Variants in CARMIL1 observed in about 807,000 individuals in gnomAD.
The protein encoded by CARMIL1 is F-actin-uncapping protein LRRC16A.
CARMIL1 carries 90 observed loss-of-function variants against 177.1 expected under a neutral mutation model. The ratio of observed to expected loss-of-function variants is 0.51; its 90% CI spans 0.43 to 0.61. The LOEUF (loss-of-function observed/expected upper bound fraction) is 0.61. Ranked by LOEUF, CARMIL1 falls within the 20% of genes least tolerant of loss-of-function variation. CARMIL1 has a pLI of 0.00. For synonymous variants in CARMIL1, 577 were observed against 606.2 expected (o/e 0.95, Z 0.71); for missense variants, 1,380 against 1,667.0 (o/e 0.83, Z 3.00).
At chr6:25,402,929 G>A (rs1053146183) in intron 2 of CARMIL1, among the ~76,000 whole-genome samples, 3 of 152,210 alleles carry the variant, frequency 2.0e-5, no homozygotes, top group African/African-American at 7.2e-5. Context: ...AATTATTAGA[G>A]CATGAAGGTG....
chr6:25,307,517 G>A (rs6456663), intron 2 of CARMIL1, among the ~76,000 whole-genome samples: 7,228 of 152,246 alleles, frequency 0.047, 545 homozygotes, highest in African/African-American at 0.16. Context: ...TTAAAAAAGA[G>A]ATCCATTTAC....
At chr6:25,390,309 T>TAC (rs1792632044) in intron 2 of CARMIL1, among the ~76,000 whole-genome samples, 1 of 64,144 alleles carries the variant, frequency 1.6e-5, no homozygotes, top group Non-Finnish European at 3.7e-5. Context: ...TATATATATA[T>TAC]ATATATATAT....
intron 23 of CARMIL1, among the ~76,000 whole-genome samples, chr6:25,525,017 G>A (rs1315759433): frequency 1.3e-5 from 2 of 152,024 alleles, no homozygotes; most frequent in Non-Finnish European, 2.9e-5. Flanking sequence ...GCTACTAATG[G>A]GAATACCAGA....
chr6:25,408,918 C>CT (rs888826665), intron 2 of CARMIL1, among the ~76,000 whole-genome samples: 1 of 152,052 alleles, frequency 6.6e-6, no homozygotes, highest in African/African-American at 2.4e-5. Flanking sequence ...TACTTGTAGG[C>CT]TTTTTACATG....
chr6:25,332,918 A>G (rs920293430), intron 2 of CARMIL1, among the ~76,000 whole-genome samples: 1 of 152,142 alleles, frequency 6.6e-6, no homozygotes, highest in Non-Finnish European at 1.5e-5. Flanking sequence ...TCCTGGCCAC[A>G]GTGATTAGTC....
intron 32 of CARMIL1, among the ~76,000 whole-genome samples, chr6:25,597,637 C>G (rs1170781327): frequency 6.6e-6 from 1 of 152,058 alleles, no homozygotes; most frequent in Non-Finnish European, 1.5e-5. Flanking sequence ...CCAGTGTGAC[C>G]TCTAGGCCCA....
intron 5 of CARMIL1, among the ~76,000 whole-genome samples, chr6:25,438,700 A>G (rs1797450796): frequency 6.6e-6 from 1 of 152,174 alleles, no homozygotes; most frequent in African/African-American, 2.4e-5. Flanking sequence ...ATGAGGAATG[A>G]TTCAAGAGGG....
chr6:25,316,900 AGCAGTGCACCTG>A (rs1432767081), intron 2 of CARMIL1, among the ~76,000 whole-genome samples: 1 of 152,180 alleles, frequency 6.6e-6, no homozygotes, highest in South Asian at 2.1e-4. Context: ...GTTACTAGAA[AGCAGTGCACCTG>A]GAGACTCGGT....
chr6:25,395,514 A>G (rs1333297900), intron 2 of CARMIL1, among the ~76,000 whole-genome samples: 2 of 152,262 alleles, frequency 1.3e-5, no homozygotes, highest in Non-Finnish European at 2.9e-5. Flanking sequence ...TAAGATTGTT[A>G]ACTGAACAAT....
chr6:25,567,130 A>G (rs1811627428), intron 29 of CARMIL1, among the ~76,000 whole-genome samples: 1 of 152,202 alleles, frequency 6.6e-6, no homozygotes, highest in African/African-American at 2.4e-5. Context: ...CTGAAAGCCC[A>G]ACTCCACATG....
chr6:25,551,154 A>G, intron 27 of CARMIL1, 69 bp downstream of exon 27: 2 of 1,274,024 alleles, frequency 1.6e-6, no homozygotes, highest in Non-Finnish European at 2.2e-6. Flanking sequence ...AGCTGTAAAG[A>G]GGGTTATTGT....
intron 1 of CARMIL1, among the ~76,000 whole-genome samples, chr6:25,281,895 A>G (rs766059668): frequency 1.3e-4 from 20 of 152,094 alleles, no homozygotes; most frequent in Non-Finnish European, 2.6e-4. Flanking sequence ...CAGGTGGATC[A>G]CCTGAGGTCG....
Position 25,515,982 on chromosome 6 carries a change from T to A in CARMIL1, c.1805+135T>A. 1.2e-6 allele frequency: 1 copy of A among 834,378 alleles called. No homozygotes were observed. Among genetic ancestry groups the A allele is most frequent in the Non-Finnish European group, 1.8e-6 (1 of 555,202 alleles). The allele number at this position is 834,378 out of a possible 1,614,324, so 51.7% of individuals were successfully genotyped here. ...ATCTTGAGGAGAAGAGGTGACAATG[T>A]CAAGATTTCTGTCAGAATAATGAGG... On this transcript the variant is annotated intron_variant, in intron 21 of 36. Transcript: ENST00000329474. This position sits in a 1 kb window ranked among gnomAD's most constrained non-coding sequence, Gnocchi z 5.0.
At chr6:25,317,305 T>C (rs1174311639) in intron 2 of CARMIL1, among the ~76,000 whole-genome samples, 3 of 152,028 alleles carry the variant, frequency 2.0e-5, no homozygotes, top group African/African-American at 7.2e-5. Context: ...TAATGTATTT[T>C]TATTTTTATT....
chr6:25,372,613 A>G (rs990820175), intron 2 of CARMIL1, among the ~76,000 whole-genome samples: 6 of 152,292 alleles, frequency 3.9e-5, no homozygotes, highest in Non-Finnish European at 7.4e-5. Flanking sequence ...GACTTCACTG[A>G]GTTCATTTAT....
At chr6:25,359,039 C>A (rs972672302) in intron 2 of CARMIL1, among the ~76,000 whole-genome samples, 1 of 152,134 alleles carries the variant, frequency 6.6e-6, no homozygotes, top group Non-Finnish European at 1.5e-5. Flanking sequence ...GGTGGTTGTG[C>A]ATTTATTATT....
intron 22 of CARMIL1, among the ~76,000 whole-genome samples, chr6:25,519,309 G>T (rs1481594855): frequency 2.0e-5 from 3 of 152,182 alleles, no homozygotes; most frequent in Non-Finnish European, 4.4e-5. Flanking sequence ...AGCTCTTCCT[G>T]AGCACCGTGT....
intron 27 of CARMIL1, among the ~76,000 whole-genome samples, chr6:25,552,980 A>G (rs1191577375): frequency 1.3e-5 from 2 of 152,120 alleles, no homozygotes; most frequent in Non-Finnish European, 2.9e-5. Context: ...AAGCAAATAG[A>G]TAGTGATACC....
chr6:25,430,953 C>A (rs1379765088), intron 4 of CARMIL1, among the ~76,000 whole-genome samples: 4 of 152,076 alleles, frequency 2.6e-5, no homozygotes, highest in Non-Finnish European at 5.9e-5. Context: ...TTGGTTATCT[C>A]TCTCTTTTTC....
Sources: gnomAD v4.1 joint callset for allele counts (sites outside exome capture counted in the v4.1 genomes callset) on GRCh38, gnomAD v4.1.1 for gene constraint, Gnocchi (gnomAD v3.1) non-coding constraint, MANE v1.5 for transcripts, NCBI Gene and HGNC (gene_info 2026-07-23, HGNC 2026-07-21) for gene names.